Variants in RXFP1 observed in about 807,000 individuals in gnomAD.
The protein encoded by RXFP1 is relaxin receptor 1.
In RXFP1, 73 loss-of-function variants were observed where a neutral mutation model predicts 89.8. The ratio of observed to expected loss-of-function variants is 0.81; its 90% CI spans 0.67 to 0.99. The LOEUF (loss-of-function observed/expected upper bound fraction) is 0.99, where lower values mean the gene tolerates loss of function less well. RXFP1 is among the 50% of genes least tolerant of loss of function. RXFP1 has a pLI of 0.00. For synonymous variants in RXFP1, 277 were observed against 305.5 expected, an observed-to-expected ratio of 0.91 and a Z score of 0.97; for missense variants, 793 against 895.5, an observed-to-expected ratio of 0.89 and a Z score of 1.46.
chr4:158,592,391 T>C (rs1254453197), intron 2 of RXFP1, among the ~76,000 whole-genome samples: 2 of 152,132 alleles, frequency 1.3e-5, no homozygotes, highest in South Asian at 4.2e-4. Context: ...CTGGCCAACA[T>C]GGTGAAACCC....
chr4:158,564,459 C>G (rs1271130707), intron 1 of RXFP1, among the ~76,000 whole-genome samples: 1 of 152,180 alleles, frequency 6.6e-6, no homozygotes, highest in East Asian at 1.9e-4. Context: ...CAGTGGCAGC[C>G]AGGGAGGCTG....
At position 158,605,105 on chromosome 4, in the gene RXFP1, G is replaced by T. The variant is rs761302172; in HGVS notation, c.430G>T (p.Asp144Tyr). The change falls in exon 5 of 18, where the codon GAT (aspartate) becomes TAT (tyrosine). Residue 144 changes from aspartate to tyrosine, a missense_variant. Asp to Tyr is a radical substitution (Grantham distance 160). Transcript: ENST00000307765. Reference protein sequence around the residue: ...QWNLIRKLPPDCFKNYHDLQK... With the variant: ...QWNLIRKLPPYCFKNYHDLQK... ...GAACTTAATAAGAAAGCTTCCTCCT[G>T]ATTGCTTCAAGAATTATCATGATCT... 4.4e-6 allele frequency: 7 copies of T among 1,595,592 alleles called. No homozygotes were observed. In the Admixed American group the frequency reaches 1.2e-4, roughly 27 times the overall value.
chr4:158,632,212 A>C (rs903600134), intron 11 of RXFP1, among the ~76,000 whole-genome samples: 2 of 152,256 alleles, frequency 1.3e-5, no homozygotes, highest in Admixed American at 6.5e-5. Context: ...TGTAACTAAC[A>C]GCAATAGTCT....
chr4:158,536,909 G>A (rs566348888), intron 1 of RXFP1, among the ~76,000 whole-genome samples: 1 of 151,952 alleles, frequency 6.6e-6, no homozygotes, highest in African/African-American at 2.4e-5. Context: ...ACTAGATAGC[G>A]TTTACACTTA....
At chr4:158,633,247 C>T (rs1398970097) in intron 11 of RXFP1, among the ~76,000 whole-genome samples, 158 bp from the exon 12 acceptor site, 1 of 151,896 alleles carries the variant, frequency 6.6e-6, no homozygotes, top group Admixed American at 6.6e-5. Flanking sequence ...TTTATATTTT[C>T]CAACTTTGCT....
intron 1 of RXFP1, among the ~76,000 whole-genome samples, chr4:158,535,085 G>C (rs1394083286): frequency 6.6e-6 from 1 of 151,874 alleles, no homozygotes; most frequent in African/African-American, 2.4e-5. Flanking sequence ...AAGTTGAACT[G>C]GTTGCAGATT....
At chr4:158,591,760 T>G (rs1285846317) in intron 2 of RXFP1, among the ~76,000 whole-genome samples, 1 of 152,082 alleles carries the variant, frequency 6.6e-6, no homozygotes, top group African/African-American at 2.4e-5. Flanking sequence ...AAAAACTTTT[T>G]TAATTTTAAA....
intron 1 of RXFP1, among the ~76,000 whole-genome samples, chr4:158,550,679 G>T (rs1749882629): frequency 6.6e-6 from 1 of 152,174 alleles, no homozygotes; most frequent in South Asian, 2.1e-4. Context: ...CCAAAAAAGG[G>T]AGGTAGAAAC....
intron 2 of RXFP1, among the ~76,000 whole-genome samples, chr4:158,587,432 T>C (rs1332825850): frequency 6.6e-6 from 1 of 152,222 alleles, no homozygotes; most frequent in Non-Finnish European, 1.5e-5. Context: ...TGAATTTAAA[T>C]TCCAGTTAAT....
chr4:158,644,041 C>CTTTTTTTTTTTTTTTT (rs70962619), intron 14 of RXFP1, among the ~76,000 whole-genome samples: 1 of 78,310 alleles, frequency 1.3e-5, no homozygotes, highest in African/African-American at 4.3e-5. Context: ...TCTATGTCTT[C>CTTTTTTTTTTTTTTTT]TTTTTTTTTT....
chr4:158,540,967 C>A (rs1262344763), intron 1 of RXFP1, among the ~76,000 whole-genome samples: 1 of 152,022 alleles, frequency 6.6e-6, no homozygotes, highest in Non-Finnish European at 1.5e-5. Context: ...AACTTACCGG[C>A]AAGTAGATGT....
At chr4:158,542,109 A>ATATATATTTTTTTT in intron 1 of RXFP1, among the ~76,000 whole-genome samples, 10 of 35,230 alleles carry the variant, frequency 2.8e-4, no homozygotes, top group South Asian at 1.6e-3. Flanking sequence ...ATATATATAT[A>ATATATATTTTTTTT]TTTTTTTTTT....
intron 1 of RXFP1, among the ~76,000 whole-genome samples, chr4:158,562,351 C>T (rs1008108918): frequency 1.4e-4 from 21 of 150,684 alleles, no homozygotes; most frequent in South Asian, 4.2e-4. Context: ...GGTGAAACCC[C>T]GTCTCTACTA....
chr4:158,648,704 G>T lies in RXFP1; in HGVS notation c.1962G>T (p.Gln654His), dbSNP rs199533984. The T allele has an allele frequency of 1.3e-4, 213 of 1,582,626 alleles. No individual in the cohort carries two copies. Among genetic ancestry groups the T allele is most frequent in the Non-Finnish European group, 1.6e-4 (186 of 1,157,076 alleles). The change falls in exon 17 of 18, where the codon CAG (glutamine) becomes CAT (histidine). Residue 654 changes from glutamine to histidine, a missense_variant. Coordinates refer to ENST00000307765, the MANE Select transcript of RXFP1 (RefSeq NM_021634.4). The part of the protein sequence containing the change: ...IFVVKFLSLL[Q>H]VEIPGTITSW... ...TAGTGAAATTTCTTTCACTGCTTCA[G>T]GTAGAAATACCAGGTACAATATTTT... is the stretch of plus-strand genomic sequence containing the variant.
At chr4:158,628,844 C>A (rs200417111) in intron 11 of RXFP1, 135 bp downstream of exon 11, 52 of 419,614 alleles carry the variant, frequency 1.2e-4, no homozygotes. Flanking sequence ...ATATACACCT[C>A]AAGCCACAAA....
chr4:158,633,695 G>A (rs973053885), intron 12 of RXFP1, among the ~76,000 whole-genome samples: 8 of 152,038 alleles, frequency 5.3e-5, no homozygotes, highest in Non-Finnish European at 7.4e-5. Context: ...CCCACTCACC[G>A]TTTCCCCATC....
chr4:158,577,927 T>A (rs1033781893), intron 2 of RXFP1, among the ~76,000 whole-genome samples: 2 of 152,138 alleles, frequency 1.3e-5, no homozygotes, highest in African/African-American at 4.8e-5. Flanking sequence ...AAACACTTTA[T>A]TAAGTATAAA....
intron 11 of RXFP1, among the ~76,000 whole-genome samples, chr4:158,630,387 C>G (rs564428678): frequency 2.6e-4 from 39 of 152,210 alleles, no homozygotes; most frequent in Non-Finnish European, 4.3e-4. Flanking sequence ...GGGGGAGATG[C>G]AGCTGGATGA....
At chr4:158,624,669 TTTG>T (rs1271854560) in intron 9 of RXFP1, among the ~76,000 whole-genome samples, 2 of 152,296 alleles carry the variant, frequency 1.3e-5, no homozygotes, top group East Asian at 3.9e-4. Flanking sequence ...TTATTTTGAT[TTTG>T]TTGTTGTTTT....
Sources: gnomAD v4.1 joint callset for allele counts (sites outside exome capture counted in the v4.1 genomes callset) on GRCh38, gnomAD v4.1.1 for gene constraint, MANE v1.5 for transcripts, NCBI Gene and HGNC (gene_info 2026-07-23, HGNC 2026-07-21) for gene names.